FOXO3: variants seen among roughly 807,000 people sequenced by gnomAD.
FOXO3 encodes forkhead box protein O3.
A neutral mutation model predicts 41.9 loss-of-function variants in FOXO3; 4 were observed. That is an observed-to-expected ratio of 0.10 (90% CI 0.05 to 0.22). FOXO3 has a LOEUF of 0.22. FOXO3 is among the 10% of genes least tolerant of loss of function. The probability of loss-of-function intolerance (pLI) is 1.00; values close to 1 mark genes in which losing one functional copy is unlikely to be tolerated. For missense variants in FOXO3, 534 were observed against 906.8 expected (o/e 0.59, Z 5.28); for synonymous variants, 318 against 389.3 (o/e 0.82, Z 2.16).
chr6:108,665,211 T>G (rs1483960718), intron 2 of FOXO3, among the ~76,000 whole-genome samples: 6 of 152,198 alleles, frequency 3.9e-5, no homozygotes, highest in Non-Finnish European at 7.3e-5. Context: ...CAGGTTGCCC[T>G]ACTTGATGGA....
At chr6:108,578,429 A>G (rs540715266) in intron 1 of FOXO3, among the ~76,000 whole-genome samples, 1 of 152,344 alleles carries the variant, frequency 6.6e-6, no homozygotes, top group Admixed American at 6.5e-5. Context: ...GTTGAAATAT[A>G]ACAAAGCTCT....
intron 1 of FOXO3, among the ~76,000 whole-genome samples, chr6:108,569,389 A>G (rs1246324619): frequency 1.3e-5 from 2 of 152,220 alleles, no homozygotes; most frequent in African/African-American, 2.4e-5. Context: ...TCTCTCCTAA[A>G]GGAAAAAGAA....
intron 1 of FOXO3, among the ~76,000 whole-genome samples, chr6:108,631,488 G>A (rs1311825038): frequency 1.3e-5 from 2 of 152,172 alleles, no homozygotes; most frequent in Non-Finnish European, 2.9e-5. Context: ...AGGAGGTGGA[G>A]GGAGGAAAAG....
At chr6:108,595,213 G>A (rs2128364405) in intron 1 of FOXO3, among the ~76,000 whole-genome samples, 1 of 152,296 alleles carries the variant, frequency 6.6e-6, no homozygotes, top group South Asian at 2.1e-4. Flanking sequence ...GAGCTTATGA[G>A]AGGTATGAGC....
chr6:108,568,155 G>C (rs989592867), intron 1 of FOXO3, among the ~76,000 whole-genome samples: 2 of 151,756 alleles, frequency 1.3e-5, no homozygotes, highest in African/African-American at 4.8e-5. Flanking sequence ...TGAGACTGCA[G>C]TGAGCACGAC....
intron 1 of FOXO3, chr6:108,656,230 A>T (rs1219001356): frequency 1.0e-5 from 3 of 300,692 alleles, no homozygotes; most frequent in Non-Finnish European, 9.7e-6. Context: ...TTTTATTTTT[A>T]AAGTGAGCAG....
chr6:108,656,325 A>C, intron 1 of FOXO3: 1 of 983,198 alleles, frequency 1.0e-6, no homozygotes, highest in Non-Finnish European at 1.2e-6. Flanking sequence ...CAGGGGAAGC[A>C]CATGCAGCTG....
chr6:108,560,683 A>G (rs1397535359), upstream of FOXO3, among the ~76,000 whole-genome samples: 2 of 151,860 alleles, frequency 1.3e-5, no homozygotes, highest in Non-Finnish European at 2.9e-5. Context: ...CGAGCGAAAC[A>G]TAAACAAACG....
intron 2 of FOXO3, among the ~76,000 whole-genome samples, chr6:108,678,726 T>A (rs1770718302): frequency 6.6e-6 from 1 of 151,924 alleles, no homozygotes; most frequent in Admixed American, 6.6e-5. Context: ...TCCAAATTTG[T>A]AATACAAAAA....
upstream of FOXO3, among the ~76,000 whole-genome samples, chr6:108,560,680 A>C (rs1438607953): frequency 6.6e-6 from 1 of 151,908 alleles, no homozygotes; most frequent in Non-Finnish European, 1.5e-5. Context: ...GCCCGAGCGA[A>C]ACATAAACAA....
intron 1 of FOXO3, among the ~76,000 whole-genome samples, chr6:108,613,101 G>C (rs1049781629): frequency 6.6e-5 from 10 of 152,180 alleles, no homozygotes; most frequent in African/African-American, 2.4e-4. Context: ...ACATTCCTGG[G>C]ATAAATCCCA....
At chr6:108,668,230 G>A (rs1022203577) in intron 2 of FOXO3, among the ~76,000 whole-genome samples, 1 of 152,228 alleles carries the variant, frequency 6.6e-6, no homozygotes, top group Non-Finnish European at 1.5e-5. Context: ...CTGCTCAGTT[G>A]ACAGGCAGTC....
chr6:108,584,502 C>T (rs539036504), intron 1 of FOXO3, among the ~76,000 whole-genome samples: 37 of 152,268 alleles, frequency 2.4e-4, no homozygotes, highest in African/African-American at 8.2e-4. Context: ...TCCATCCTTT[C>T]GCGTTGGCTT....
rs766554379 is a variant in FOXO3 at position 108,561,358 on chromosome 6, G to C, written c.150G>C (p.Glu50Asp). The change falls in exon 1 of 3, where the codon GAG becomes GAC. Residue 50 changes from glutamate (E) to aspartate (D), a missense_variant. By Grantham distance (45) the Glu-to-Asp change is conservative. Around this residue, in one of 8 missense-constraint regions of FOXO3, gnomAD observed 139 missense variants for 163.7 expected, o/e 0.85. Transcript: ENST00000406360. ...LQASPAKPSG[E>D]TAADSMIPEE... The stretch of plus-strand genomic sequence containing the variant: ...CGAGCCCTGCCAAGCCCTCGGGGGA[G>C]ACGGCCGCCGACTCCATGATCCCCG... The C allele has an allele frequency of 1.1e-4, 177 of 1,564,464 alleles. No homozygotes were observed. The highest frequency in any genetic ancestry group is 1.4e-4 in the Non-Finnish European group (162 of 1,156,988).
At chr6:108,654,608 A>G (rs139569870) in intron 1 of FOXO3, among the ~76,000 whole-genome samples, 342 of 152,212 alleles carry the variant, frequency 2.2e-3, no homozygotes, top group Non-Finnish European at 3.3e-3. Flanking sequence ...GAAAACTTAA[A>G]TGTTAGTTTC....
intron 1 of FOXO3, among the ~76,000 whole-genome samples, chr6:108,580,866 A>G (rs1405487362): frequency 1.3e-5 from 2 of 152,174 alleles, no homozygotes; most frequent in East Asian, 3.9e-4. Context: ...TCAGACTTGT[A>G]CTCTTGTGAA....
intron 1 of FOXO3, chr6:108,639,373 G>C (rs1247403293): frequency 1.1e-5 from 2 of 177,328 alleles, no homozygotes; most frequent in African/African-American, 4.8e-5. Context: ...TTATTTCCAG[G>C]TACCTAAAGT....
At chr6:108,587,517 G>T (rs964098255) in intron 1 of FOXO3, among the ~76,000 whole-genome samples, 4 of 152,088 alleles carry the variant, frequency 2.6e-5, no homozygotes, top group African/African-American at 9.7e-5. Context: ...ATATATATAT[G>T]TGTATGTGTG....
intron 1 of FOXO3, among the ~76,000 whole-genome samples, chr6:108,632,398 A>G (rs1283812919): frequency 6.6e-6 from 1 of 152,224 alleles, no homozygotes; most frequent in Admixed American, 6.5e-5. Flanking sequence ...TGAAAAAATT[A>G]ATACAGAAAT....
Sources: gnomAD v4.1 joint callset for allele counts (sites outside exome capture counted in the v4.1 genomes callset) on GRCh38, gnomAD v4.1.1 for gene constraint, gnomAD v4.1.1 regional missense constraint, MANE v1.5 for transcripts, NCBI Gene and HGNC (gene_info 2026-07-23, HGNC 2026-07-21) for gene names.